The following TNFAIP6 variants were observed in gnomAD, a reference collection of about 807,000 sequenced individuals.
TNFAIP6 encodes tumor necrosis factor-inducible gene 6 protein.
Under a neutral mutation model 33.7 loss-of-function variants are expected in TNFAIP6, and 36 were observed. The ratio of observed to expected loss-of-function variants is 1.07; its 90% CI spans 0.82 to 1.41. The LOEUF is 1.41. TNFAIP6 is among the 40% of genes most tolerant of loss of function. The pLI is 0.00. For missense variants in TNFAIP6, 273 were observed against 331.9 expected (o/e 0.82, Z 1.38); for synonymous variants, 113 against 112.8 (o/e 1.00, Z -0.01).
At chr2:151,357,860 CTG>C in intron 1 of TNFAIP6, 100 bp downstream of exon 1, 1 of 705,488 alleles carries the variant, frequency 1.4e-6, no homozygotes, top group Non-Finnish European at 2.4e-6. Context: ...CTGTACAAGG[CTG>C]ATGTTCTCAA....
intron 3 of TNFAIP6, among the ~76,000 whole-genome samples, chr2:151,369,156 C>T (rs1228803677): frequency 2.6e-5 from 4 of 152,160 alleles, no homozygotes; most frequent in Non-Finnish European, 5.9e-5. Context: ...TGCCACTGCA[C>T]TCCAGCCTGG....
At chr2:151,378,725 G>A (rs976554865) in intron 5 of TNFAIP6, among the ~76,000 whole-genome samples, 1 of 151,738 alleles carries the variant, frequency 6.6e-6, no homozygotes, top group African/African-American at 2.4e-5. Flanking sequence ...TCGACCTCAG[G>A]TGATCTGCCC....
At chr2:151,362,753 G>A (rs1684649135) in intron 1 of TNFAIP6, among the ~76,000 whole-genome samples, 1 of 152,072 alleles carries the variant, frequency 6.6e-6, no homozygotes, top group South Asian at 2.1e-4. Flanking sequence ...GCCTCCCGAA[G>A]TGTTGGGATT....
At chr2:151,378,491 CTTT>C (rs35086162) in intron 5 of TNFAIP6, among the ~76,000 whole-genome samples, 2 of 142,642 alleles carry the variant, frequency 1.4e-5, no homozygotes, top group African/African-American at 2.6e-5. Context: ...AGAGTATCTT[CTTT>C]TTTTTTTTTT....
At chr2:151,375,980 T>G (rs1156791895) in intron 5 of TNFAIP6, among the ~76,000 whole-genome samples, 1 of 152,154 alleles carries the variant, frequency 6.6e-6, no homozygotes, top group Non-Finnish European at 1.5e-5. Flanking sequence ...GCACAGTGGC[T>G]CATACCTGTA....
intron 2 of TNFAIP6, among the ~76,000 whole-genome samples, chr2:151,365,105 C>T (rs2152013792): frequency 6.6e-6 from 1 of 152,266 alleles, no homozygotes; most frequent in Middle Eastern, 3.4e-3. Context: ...CACCTGTAAT[C>T]CCAGCACTTT....
chr2:151,377,479 T>G (rs1573787700), intron 5 of TNFAIP6, among the ~76,000 whole-genome samples: 1 of 5,404 alleles, frequency 1.9e-4, no homozygotes, highest in Non-Finnish European at 1.3e-3. Context: ...ATTTTTGTGT[T>G]TGTTTGTTTG....
In TNFAIP6 at chr2:151,363,991, A is replaced by G. The variant is rs1190964425; in HGVS notation, c.143A>G (p.Lys48Arg). The G allele has an allele frequency of 1.9e-6, 3 of 1,614,180 alleles. No homozygotes were observed. Among genetic ancestry groups the G allele is most frequent in the East Asian group, 2.2e-5 (1 of 44,874 alleles). Residue 48 changes from lysine (K) to arginine (R), a missense_variant, in exon 2 of 6, where the codon AAG becomes AGG. Physicochemically the swap from Lys to Arg is conservative, Grantham distance 26 (BLOSUM62 2). Transcript: ENST00000243347. ...AGAGAAGCACGGTCTGGCAAATACA[A>G]GCTCACCTACGCAGAAGCTAAGGCG... is the stretch of plus-strand genomic sequence containing the variant. ...YHREARSGKY[K>R]LTYAEAKAVC...
chr2:151,361,312 G>A (rs1356264958), intron 1 of TNFAIP6, among the ~76,000 whole-genome samples: 6 of 152,082 alleles, frequency 3.9e-5, no homozygotes, highest in Admixed American at 3.9e-4. Context: ...CTAACCTCAG[G>A]TGATCCACCC....
Position 151,379,717 on chromosome 2 carries a change from C to T in TNFAIP6, c.*184C>T. Reference sequence around the variant, plus strand: ...CGAGAAAATGAAACCTCTCATAATCCCACTGCATAGAAATAACAAGCGTTA... The same window carrying T: ...CGAGAAAATGAAACCTCTCATAATCTCACTGCATAGAAATAACAAGCGTTA... On this transcript the variant is annotated 3_prime_UTR_variant, in exon 6 of 6. Transcript: ENST00000243347. The T allele has an allele frequency of 2.4e-6, 1 of 419,258 alleles. No individual in the cohort carries two copies. Among genetic ancestry groups the T allele is most frequent in the Non-Finnish European group, 4.1e-6 (1 of 245,710 alleles). 26.0% of individuals were successfully genotyped at this position (419,258 alleles called of 1,614,324 possible). A position where few individuals can be genotyped will look rare whatever the true frequency, so the allele number is the denominator to read the frequency against.
At chr2:151,364,223 C>G (rs1684675556) in intron 2 of TNFAIP6, 143 bp downstream of exon 2, 1 of 1,068,204 alleles carries the variant, frequency 9.4e-7, no homozygotes, top group Non-Finnish European at 1.3e-6. Context: ...TCTCTGACTT[C>G]TCCTATCCAT....
chr2:151,364,071 A>G lies in TNFAIP6; in HGVS notation c.223A>G (p.Arg75Gly). 6.2e-7 allele frequency: 1 copy of G among 1,612,690 alleles called. No individual in the cohort carries two copies. Among genetic ancestry groups the G allele is most frequent in the Non-Finnish European group, 8.5e-7 (1 of 1,179,708 alleles). Residue 75 changes from arginine to glycine, a missense_variant, in exon 2 of 6, where the codon AGA becomes GGA. Coordinates refer to ENST00000243347, the MANE Select transcript of TNFAIP6 (RefSeq NM_007115.4). ...AACTTACAAGCAGCTAGAGGCAGCC[A>G]GAAAAATTGGTAACTGATTTCACAA... ...LATYKQLEAA[R>G]KIGFHVCAAG...
chr2:151,376,239 C>T (rs1684904155), intron 5 of TNFAIP6, among the ~76,000 whole-genome samples: 1 of 151,746 alleles, frequency 6.6e-6, no homozygotes, highest in South Asian at 2.1e-4. Flanking sequence ...AAGTAAGATT[C>T]CCTTTCAAAA....
At chr2:151,359,700 A>G (rs1363846454) in intron 1 of TNFAIP6, among the ~76,000 whole-genome samples, 1 of 152,064 alleles carries the variant, frequency 6.6e-6, no homozygotes, top group Non-Finnish European at 1.5e-5. Flanking sequence ...GGGAACTCAT[A>G]ATGTTTTAAG....
chr2:151,379,508 T>C lies in TNFAIP6; in HGVS notation c.809T>C (p.Leu270Ser). 6.4e-7 allele frequency: 1 copy of C among 1,573,214 alleles called. No homozygotes were observed. The highest frequency in any genetic ancestry group is 8.6e-7 in the Non-Finnish European group (1 of 1,167,366). ...ACTTCTACTGGAAATAAAAACTTTT[T>C]AGCTGGAAGATTTAGCCACTTATAA... ...STTSTGNKNFLAGRFSHL is the reference protein window; with the variant it reads ...STTSTGNKNFSAGRFSHL Residue 270 changes from leucine to serine, a missense_variant, in exon 6 of 6, where the codon TTA becomes TCA. Coordinates refer to ENST00000243347, the MANE Select transcript of TNFAIP6 (RefSeq NM_007115.4).
intron 1 of TNFAIP6, among the ~76,000 whole-genome samples, chr2:151,361,367 T>C (rs765491755): frequency 6.6e-6 from 1 of 152,180 alleles, no homozygotes; most frequent in Non-Finnish European, 1.5e-5. Context: ...TGAGCTACCA[T>C]GCCCGGCCAA....
intron 3 of TNFAIP6, among the ~76,000 whole-genome samples, chr2:151,368,705 C>T (rs904294499): frequency 6.6e-6 from 1 of 151,520 alleles, no homozygotes; most frequent in East Asian, 2.0e-4. Context: ...TAAATTATTC[C>T]TTTTAAGTGG....
At chr2:151,373,694 T>C (rs1684853007) in intron 5 of TNFAIP6, 105 bp downstream of exon 5, 1 of 594,352 alleles carries the variant, frequency 1.7e-6, no homozygotes, top group East Asian at 3.2e-5. Flanking sequence ...TATTCACTTT[T>C]TAAAGTTGAA....
intron 5 of TNFAIP6, among the ~76,000 whole-genome samples, chr2:151,378,213 A>G (rs908377948): frequency 9.9e-5 from 15 of 152,164 alleles, no homozygotes; most frequent in African/African-American, 3.4e-4. Context: ...AACAAAAAGA[A>G]GGCCTTTGCC....
Sources: allele counts gnomAD v4.1 joint callset (sites outside exome capture counted in the v4.1 genomes callset), GRCh38; gene constraint gnomAD v4.1.1; transcripts MANE v1.5; gene names NCBI Gene and HGNC (gene_info 2026-07-23, HGNC 2026-07-21).